Variants in CRTAC1 observed in about 807,000 individuals in gnomAD.
CRTAC1 encodes the protein acidic secreted protein in cartilage.
Under a neutral mutation model 67.8 loss-of-function variants are expected in CRTAC1, and 37 were observed. That is an observed-to-expected ratio of 0.55 (90% CI 0.42 to 0.72). The LOEUF (loss-of-function observed/expected upper bound fraction) is 0.72. CRTAC1 is among the 30% of genes least tolerant of loss of function. CRTAC1 has a pLI of 0.00. For missense variants in CRTAC1, 780 were observed against 931.6 expected, an observed-to-expected ratio of 0.84 and a Z score of 2.12; for synonymous variants, 348 against 371.0, an observed-to-expected ratio of 0.94 and a Z score of 0.71.
chr10:97,922,893 G>A (rs1455397096), intron 4 of CRTAC1, among the ~76,000 whole-genome samples: 3 of 152,206 alleles, frequency 2.0e-5, no homozygotes. Context: ...ATAAATGTTA[G>A]TTGAGTGAAT....
intron 2 of CRTAC1, among the ~76,000 whole-genome samples, chr10:97,947,491 C>G (rs779977188): frequency 4.7e-4 from 72 of 152,246 alleles, no homozygotes; most frequent in African/African-American, 1.7e-3. Context: ...TTAGGGAATA[C>G]GGGGTAGACT....
intron 2 of CRTAC1, among the ~76,000 whole-genome samples, chr10:97,963,431 T>C (rs2051559952): frequency 6.6e-6 from 1 of 152,220 alleles, no homozygotes; most frequent in Non-Finnish European, 1.5e-5. Context: ...GTGATTCTGA[T>C]GCACTCTCAA....
At position 97,923,424 on chromosome 10, in the gene CRTAC1, G is replaced by A. The variant is rs186950167; in HGVS notation, c.422-24C>T. ...CCCTGGAGAGAGGAGGAAAGGGAGG[G>A]CTGGTGGACAGTGGATCAGGGTCTT... On this transcript the variant is annotated intron_variant, in intron 3 of 14. Transcript: ENST00000370597. 3.7e-6 allele frequency: 6 copies of A among 1,613,878 alleles called. No individual in the cohort carries two copies. In the African/African-American group the frequency reaches 8.0e-5, roughly 22 times the overall value.
chr10:97,891,647 G>T (rs1031417488), intron 11 of CRTAC1, among the ~76,000 whole-genome samples: 2 of 152,196 alleles, frequency 1.3e-5, no homozygotes, highest in Non-Finnish European at 1.5e-5. Context: ...TGCCTCTCTT[G>T]GTCTTCCACA....
In CRTAC1 at chr10:98,001,065, T is replaced by C. The variant is rs11189461; in HGVS notation, c.224+10073A>G. 8.5e-5 allele frequency among the ~76,000 whole-genome samples: 13 copies of C among 152,256 alleles called. No individual in the cohort carries two copies. The East Asian group carries it at 2.5e-3, about 29-fold the overall frequency. ...TCATGTTATCAGACCAAATGTGTAT[T>C]TAGGGATGGATGAGGTCACTTCATG... On this transcript the variant is annotated intron_variant, in intron 2 of 14. Transcript: ENST00000370597.
At chr10:97,969,331 C>T (rs1003057684) in intron 2 of CRTAC1, among the ~76,000 whole-genome samples, 5 of 152,118 alleles carry the variant, frequency 3.3e-5, no homozygotes, top group African/African-American at 1.2e-4. Flanking sequence ...TTTTGATGCT[C>T]CATCCCCTCC....
intron 11 of CRTAC1, 35 bp from the exon 12 acceptor site, chr10:97,884,386 G>A (rs1429086693): frequency 6.5e-7 from 1 of 1,537,512 alleles, no homozygotes; most frequent in Non-Finnish European, 8.8e-7. Flanking sequence ...CAGCAGCAGA[G>A]GAGAGCAGGA....
At chr10:97,904,636 G>A in intron 7 of CRTAC1, 33 bp downstream of exon 7, 1 of 1,492,728 alleles carries the variant, frequency 6.7e-7, no homozygotes, top group South Asian at 1.4e-5. Flanking sequence ...GGACAGGCTG[G>A]TCTTGAACTC....
At chr10:97,972,638 A>G (rs539382238) in intron 2 of CRTAC1, among the ~76,000 whole-genome samples, 2 of 152,380 alleles carry the variant, frequency 1.3e-5, no homozygotes, top group South Asian at 4.1e-4. Flanking sequence ...CTGAGATACT[A>G]TATATAGTAG....
At chr10:97,976,835 A>G (rs2051813013) in intron 2 of CRTAC1, among the ~76,000 whole-genome samples, 2 of 152,220 alleles carry the variant, frequency 1.3e-5, no homozygotes, top group South Asian at 4.1e-4. Flanking sequence ...ACAGGACTGC[A>G]CTTTATATAT....
chr10:98,021,698 G>A (rs551235876), intron 1 of CRTAC1, among the ~76,000 whole-genome samples: 1 of 152,230 alleles, frequency 6.6e-6, no homozygotes, highest in Admixed American at 6.5e-5. Flanking sequence ...AGTAATAAAT[G>A]TTTGTGAGAT....
intron 1 of CRTAC1, among the ~76,000 whole-genome samples, chr10:98,027,090 C>A (rs1017431613): frequency 6.6e-6 from 1 of 151,740 alleles, no homozygotes; most frequent in Admixed American, 6.6e-5. Context: ...TGGCGTGAAC[C>A]CGGGAGGCGG....
In CRTAC1 at chr10:97,865,625, T is replaced by TGGCAGCTCCAGCAGC; in HGVS notation, c.1894_1908dup (p.Ala632_Ala636dup). 1.2e-6 allele frequency: 2 copies of TGGCAGCTCCAGCAGC among 1,613,014 alleles called. No homozygotes were observed. Among genetic ancestry groups the TGGCAGCTCCAGCAGC allele is most frequent in the Non-Finnish European group, 8.5e-7 (1 of 1,179,550 alleles). Reference sequence around the variant, plus strand: ...CCATCTACGAGGACCGGTGCAGCAGTGGCAGCTCCAGCAGCGGCAGCAGCA... The same window carrying TGGCAGCTCCAGCAGC: ...CCATCTACGAGGACCGGTGCAGCAGTGGCAGCTCCAGCAGCGGCAGCTCCAGCAGCGGCAGCAGCA... On this transcript the variant is annotated inframe_insertion, in exon 15 of 15. Transcript: ENST00000370597.
At chr10:97,949,792 C>A (rs955694880) in intron 2 of CRTAC1, among the ~76,000 whole-genome samples, 2 of 152,224 alleles carry the variant, frequency 1.3e-5, no homozygotes, top group African/African-American at 4.8e-5. Context: ...TCAGTTCCCT[C>A]ATGTACAAAG....
intron 2 of CRTAC1, among the ~76,000 whole-genome samples, chr10:97,977,320 G>A (rs766658909): frequency 2.6e-5 from 4 of 152,170 alleles, no homozygotes; most frequent in Non-Finnish European, 4.4e-5. Context: ...GGAGGAGAGC[G>A]GCAGCTCCAG....
chr10:97,934,584 A>G (rs1335752485), intron 3 of CRTAC1, among the ~76,000 whole-genome samples: 1 of 152,162 alleles, frequency 6.6e-6, no homozygotes, highest in Admixed American at 6.5e-5. Context: ...CTCAACAACC[A>G]GTAATGGTAA....
chr10:97,967,315 C>T (rs747208099), intron 2 of CRTAC1, among the ~76,000 whole-genome samples: 3 of 152,180 alleles, frequency 2.0e-5, no homozygotes, highest in Non-Finnish European at 4.4e-5. Flanking sequence ...TTTGATTCAT[C>T]CCATCATGGC....
At chr10:97,893,811 T>C (rs1382284395) in intron 11 of CRTAC1, among the ~76,000 whole-genome samples, 1 of 152,194 alleles carries the variant, frequency 6.6e-6, no homozygotes, top group African/African-American at 2.4e-5. Context: ...TATAATTTTG[T>C]CATTTTGAGA....
At chr10:97,896,040 G>A (rs1395968290) in intron 9 of CRTAC1, 55 bp from the exon 10 acceptor site, 15 of 1,495,852 alleles carry the variant, frequency 1.0e-5, no homozygotes, top group Non-Finnish European at 1.4e-5. Flanking sequence ...CCACAAAGGA[G>A]ACACGCTCCC....
Sources: gnomAD v4.1 joint callset for allele counts (sites outside exome capture counted in the v4.1 genomes callset) on GRCh38, gnomAD v4.1.1 for gene constraint, MANE v1.5 for transcripts, NCBI Gene and HGNC (gene_info 2026-07-23, HGNC 2026-07-21) for gene names.